WDR75: variants seen among roughly 807,000 people sequenced by gnomAD.
The protein encoded by WDR75 is WD repeat-containing protein 75.
A neutral mutation model predicts 106.1 loss-of-function variants in WDR75; 52 were observed. That is an observed-to-expected ratio of 0.49 (90% confidence interval 0.39 to 0.62). WDR75 has a LOEUF of 0.62. Ranked by LOEUF, WDR75 falls within the 20% of genes least tolerant of loss-of-function variation. WDR75 has a pLI of 0.00. For missense variants in WDR75, 905 were observed against 970.3 expected (o/e 0.93, Z 0.89); for synonymous variants, 333 against 335.5 (o/e 0.99, Z 0.08).
intron 13 of WDR75, 143 bp from the exon 14 acceptor site, chr2:189,467,325 C>A: frequency 1.4e-6 from 1 of 711,266 alleles, no homozygotes; most frequent in Non-Finnish European, 2.3e-6. Context: ...GTACTGTACA[C>A]AGCTATTTTC....
chr2:189,449,409 T>G, intron 2 of WDR75: 1 of 1,262,522 alleles, frequency 7.9e-7, no homozygotes, highest in Non-Finnish European at 1.0e-6. Flanking sequence ...GTACATATTT[T>G]ATGCTTGCCG....
rs139807605 is a variant in WDR75, at chr2:189,458,036, G to A, written c.569+655G>A. On this transcript the variant is annotated intron_variant, in intron 6 of 20. Coordinates refer to ENST00000314761, the MANE Select transcript of WDR75 (RefSeq NM_032168.3). ...CCTCCCGGGTTCAAGTGATTGTCCC[G>A]TCTCAGCCTCCTGAGTAGCTGGGAC... Among the ~76,000 whole-genome samples the A allele has an allele frequency of 1.2e-3, 176 of 146,162 alleles. 1 individual carries two copies. The East Asian group carries it at 0.029, about 24-fold the overall frequency.
At chr2:189,468,652 T>C (rs17198899) in intron 15 of WDR75, 83 bp downstream of exon 15, 25,734 of 1,367,760 alleles carry the variant, frequency 0.019, 296 homozygotes, top group Non-Finnish European at 0.022. Context: ...GACTTAGGGA[T>C]CATATCATCA....
Position 189,455,463 on chromosome 2 carries a change from G to A in WDR75, c.498+19G>A, listed in dbSNP as rs1261381134. The A allele has an allele frequency of 2.5e-6, 4 of 1,597,530 alleles. No homozygotes were observed. Among genetic ancestry groups the A allele is most frequent in the Non-Finnish European group, 1.7e-6 (2 of 1,173,172 alleles). On this transcript the variant is annotated intron_variant, in intron 5 of 20. Transcript: ENST00000314761. The stretch of plus-strand genomic sequence containing the variant: ...AAACGAGGTAAATTTTGTTTTGTTC[G>A]TTTTCTGTTTTGTACCTAAAATTTC...
Position 189,462,500 on chromosome 2 carries a change from T to TGGC in WDR75, c.798_800dup (p.Gly267dup), listed in dbSNP as rs1686911596. 6.2e-7 allele frequency: 1 copy of TGGC among 1,613,844 alleles called. No individual in the cohort carries two copies. Among genetic ancestry groups the TGGC allele is most frequent in the Non-Finnish European group, 8.5e-7 (1 of 1,179,856 alleles). On this transcript the variant is annotated inframe_insertion, in exon 9 of 21. Transcript: ENST00000314761. ...GATATGAAGGCACCAGTCTGCTGAG[T>TGGC]GGCGGTCGTGAATCTGTACTTGTAG...
intron 16 of WDR75, among the ~76,000 whole-genome samples, chr2:189,469,816 T>G (rs1476186000): frequency 6.6e-6 from 1 of 152,174 alleles, no homozygotes; most frequent in African/African-American, 2.4e-5. Context: ...AATATTTTGG[T>G]TTCTGTCTTC....
chr2:189,459,007 G>T, intron 7 of WDR75, 135 bp downstream of exon 7: 1 of 1,163,770 alleles, frequency 8.6e-7, no homozygotes, highest in Non-Finnish European at 1.2e-6. Context: ...CATACTTACT[G>T]TTTTAGAATT....
rs1439067998 is a variant in WDR75 at position 189,462,660 on chromosome 2, A to T, written c.937+18A>T. The T allele has an allele frequency of 6.2e-7, 1 of 1,610,310 alleles. No individual in the cohort carries two copies. The highest frequency in any genetic ancestry group is 1.1e-5 in the South Asian group (1 of 90,884). ...TGATAATAGTAAGTCTAAATTTTTTATTATGAGGAAATATATAAACACCAT... is the reference window on the plus strand; with the variant it reads ...TGATAATAGTAAGTCTAAATTTTTTTTTATGAGGAAATATATAAACACCAT... On this transcript the variant is annotated intron_variant, in intron 9 of 20. Transcript: ENST00000314761.
rs1406830496 is a variant in WDR75 at position 189,470,809 on chromosome 2, C to G, written c.1990-10C>G. 6.3e-7 allele frequency: 1 copy of G among 1,579,180 alleles called. No individual in the cohort carries two copies. Among genetic ancestry groups the G allele is most frequent in the Non-Finnish European group, 8.6e-7 (1 of 1,164,546 alleles). On this transcript the variant is annotated splice_polypyrimidine_tract_variant and intron_variant, in intron 17 of 20. Transcript: ENST00000314761. Reference sequence around the variant, plus strand: ...GTTTGTCTTTTGCATCATTAATTCTCTCTTTTCAGAGTTTATTGACATTCA... The same window carrying G: ...GTTTGTCTTTTGCATCATTAATTCTGTCTTTTCAGAGTTTATTGACATTCA...
chr2:189,450,370 T>C, intron 2 of WDR75: 2 of 840,654 alleles, frequency 2.4e-6, no homozygotes, highest in Non-Finnish European at 2.6e-6. Flanking sequence ...TGGTTTTGGT[T>C]TTTTTTTCTG....
intron 1 of WDR75, among the ~76,000 whole-genome samples, chr2:189,442,885 T>G (rs536359436): frequency 3.7e-4 from 56 of 152,330 alleles, no homozygotes; most frequent in Admixed American, 1.3e-3. Flanking sequence ...ATTGATCTTA[T>G]GAATCAAAGG....
At chr2:189,443,352 T>C (rs1188112033) in intron 1 of WDR75, among the ~76,000 whole-genome samples, 5 of 152,204 alleles carry the variant, frequency 3.3e-5, no homozygotes, top group Admixed American at 2.0e-4. Flanking sequence ...TGATTTCTGT[T>C]GAACAGGCTG....
At chr2:189,445,959 A>G (rs763742417) in intron 1 of WDR75, among the ~76,000 whole-genome samples, 4 of 152,168 alleles carry the variant, frequency 2.6e-5, no homozygotes, top group Non-Finnish European at 5.9e-5. Context: ...CTGAGAAACA[A>G]GAAGAGAGGA....
intron 6 of WDR75, 95 bp from the exon 7 acceptor site, chr2:189,458,658 G>T: frequency 1.9e-6 from 2 of 1,050,354 alleles, no homozygotes; most frequent in Non-Finnish European, 2.6e-6. Context: ...CTACAATTTT[G>T]GTTGCTATTG....
Position 189,467,604 on chromosome 2 carries a change from A to G in WDR75, c.1584A>G (p.Thr528=), listed in dbSNP as rs760283412. Residue 528 remains threonine, a synonymous_variant, in exon 14 of 21, where the codon ACA becomes ACG. Coordinates refer to ENST00000314761, the MANE Select transcript of WDR75 (RefSeq NM_032168.3). ...TAGTCACAATATGGGATTCTGTAAC[A>G]TGGGAACTTAAATGTACATTTTGCC... The part of the protein sequence containing the change: ...EEIVTIWDSV[T]WELKCTFCQR... The G allele has an allele frequency of 8.7e-6, 14 of 1,607,684 alleles. No homozygotes were observed. In the South Asian group the frequency reaches 1.1e-4, roughly 13 times the overall value.
chr2:189,474,695 C>T (rs368981951), intron 19 of WDR75, 22 bp from the exon 20 acceptor site: 70 of 1,603,576 alleles, frequency 4.4e-5, no homozygotes, highest in Non-Finnish European at 5.6e-5. Flanking sequence ...TAATTGCAAC[C>T]GTGTTTTCTG....
At chr2:189,448,855 C>G (rs565491512) in intron 2 of WDR75, 10 of 475,738 alleles carry the variant, frequency 2.1e-5, no homozygotes, top group African/African-American at 2.0e-4. Flanking sequence ...TTTGGTGTTT[C>G]TCAAACTTAC....
chr2:189,473,980 C>G (rs1470450097), intron 18 of WDR75, among the ~76,000 whole-genome samples: 1 of 152,256 alleles, frequency 6.6e-6, no homozygotes, highest in South Asian at 2.1e-4. Flanking sequence ...ATTCTGTCAT[C>G]TAAGTGTTCA....
At position 189,474,275 on chromosome 2, in the gene WDR75, T is replaced by C; in HGVS notation, c.2139T>C (p.Thr713=). ...RQQQDEKLNE[T]LENELVQLPL... is the part of the protein sequence containing the mutation. ...AGCAGGATGAAAAACTAAACGAAAC[T>C]TTAGAGAATGAGCTGGTACAACTAC... Residue 713 remains threonine (T), a synonymous_variant, in exon 19 of 21, where the codon ACT becomes ACC. Coordinates refer to ENST00000314761, the MANE Select transcript of WDR75 (RefSeq NM_032168.3). The C allele has an allele frequency of 1.2e-6, 2 of 1,613,782 alleles. No individual in the cohort carries two copies. Among genetic ancestry groups the C allele is most frequent in the Non-Finnish European group, 1.7e-6 (2 of 1,179,810 alleles).
Sources: gnomAD v4.1 joint callset for allele counts (sites outside exome capture counted in the v4.1 genomes callset) on GRCh38, gnomAD v4.1.1 for gene constraint, MANE v1.5 for transcripts, NCBI Gene and HGNC (gene_info 2026-07-23, HGNC 2026-07-21) for gene names.